Variants in NELL1 observed in about 807,000 individuals in gnomAD.
NELL1 encodes protein kinase C-binding protein NELL1.
NELL1 carries 76 observed loss-of-function variants against 107.4 expected under a neutral mutation model. The observed-to-expected ratio is 0.71, with a 90% confidence interval of 0.59 to 0.86. The LOEUF is 0.86. NELL1 is among the 40% of genes least tolerant of loss of function. The pLI, the probability that NELL1 is intolerant of heterozygous loss-of-function variation, is 0.00. For synonymous variants in NELL1, 353 were observed against 341.2 expected (o/e 1.03, Z -0.38); for missense variants, 1,024 against 1,005.5 (o/e 1.02, Z -0.25).
intron 12 of NELL1, among the ~76,000 whole-genome samples, chr11:21,015,361 C>A (rs559672952): frequency 1.3e-5 from 2 of 152,042 alleles, no homozygotes; most frequent in African/African-American, 4.8e-5. Context: ...TTACTTGATA[C>A]GTGGGCTCAT....
At chr11:20,968,612 G>A (rs961313750) in intron 12 of NELL1, among the ~76,000 whole-genome samples, 2 of 152,198 alleles carry the variant, frequency 1.3e-5, no homozygotes, top group African/African-American at 4.8e-5. Context: ...TGACAAGAGG[G>A]TAGCTGTCCC....
At chr11:21,029,096 T>C (rs1852890432) in intron 12 of NELL1, among the ~76,000 whole-genome samples, 2 of 152,126 alleles carry the variant, frequency 1.3e-5, no homozygotes, top group Admixed American at 6.6e-5. Context: ...ACACAGATTT[T>C]TGCTTCTTTG....
chr11:21,484,005 AT>A, intron 15 of NELL1, among the ~76,000 whole-genome samples: 1 of 51,796 alleles, frequency 1.9e-5, no homozygotes, highest in East Asian at 4.9e-4. Flanking sequence ...ATATATATAT[AT>A]ATATATATAT....
chr11:20,820,107 C>A (rs1468160801), intron 3 of NELL1, among the ~76,000 whole-genome samples: 1 of 152,190 alleles, frequency 6.6e-6, no homozygotes, highest in Non-Finnish European at 1.5e-5. Context: ...GAATGTTAAG[C>A]AGCATTTTTC....
At chr11:20,925,844 G>A (rs1215168261) in intron 7 of NELL1, among the ~76,000 whole-genome samples, 3 of 152,136 alleles carry the variant, frequency 2.0e-5, no homozygotes, top group Non-Finnish European at 4.4e-5. Context: ...CAAAAACAAA[G>A]GTTAGAATTA....
chr11:20,715,102 G>A (rs1175403382), intron 2 of NELL1, among the ~76,000 whole-genome samples: 1 of 152,016 alleles, frequency 6.6e-6, no homozygotes, highest in Non-Finnish European at 1.5e-5. Context: ...AAAATTAGCT[G>A]GGCGTGGTGG....
At chr11:21,249,023 G>C (rs1409256554) in intron 14 of NELL1, among the ~76,000 whole-genome samples, 1 of 152,092 alleles carries the variant, frequency 6.6e-6, no homozygotes, top group Non-Finnish European at 1.5e-5. Context: ...CTGTTGCTGG[G>C]GGGCCTCTAT....
intron 15 of NELL1, among the ~76,000 whole-genome samples, chr11:21,520,744 C>T (rs1855705069): frequency 6.6e-6 from 1 of 152,092 alleles, no homozygotes; most frequent in Non-Finnish European, 1.5e-5. Flanking sequence ...TGCTCAGCCC[C>T]GGCCCCTCCC....
chr11:20,804,355 C>T (rs1327312511), intron 3 of NELL1, among the ~76,000 whole-genome samples: 2 of 152,154 alleles, frequency 1.3e-5, no homozygotes, highest in African/African-American at 4.8e-5. Context: ...CCTGCCTTGG[C>T]CTCTCAAGTA....
Position 21,545,014 on chromosome 11 carries a change from T to C in NELL1, c.1786+10500T>C, listed in dbSNP as rs527946725. 3.3e-5 allele frequency among the ~76,000 whole-genome samples: 5 copies of C among 152,118 alleles called. No individual in the cohort carries two copies. In the South Asian group the frequency reaches 1.0e-3, roughly 32 times the overall value. On this transcript the variant is annotated intron_variant, in intron 16 of 19. Transcript: ENST00000357134. ...CAATATATGTCTATTTGTGTATTAC[T>C]TTTTTAAAATGTGGTCACTAAAAAT... is the stretch of plus-strand genomic sequence containing the variant.
chr11:21,488,538 GGACTA>G (rs1377565746), intron 15 of NELL1, among the ~76,000 whole-genome samples: 4 of 152,222 alleles, frequency 2.6e-5, no homozygotes, highest in Admixed American at 2.6e-4. Context: ...GTTTTGCTGA[GGACTA>G]GGATACCAGG....
rs1325891152 is a variant in NELL1 at position 21,490,872 on chromosome 11, T to A, written c.1646-43502T>A. 2.0e-5 allele frequency among the ~76,000 whole-genome samples: 3 copies of A among 151,790 alleles called. No homozygotes were observed. The East Asian group carries it at 5.8e-4, about 29-fold the overall frequency. On this transcript the variant is annotated intron_variant, in intron 15 of 19. Transcript: ENST00000357134. The stretch of plus-strand genomic sequence containing the variant: ...CTATAAAAAACATAAGGAAAACACA[T>A]CAAAATGTCAGTCTAAGAAAAGATT...
intron 12 of NELL1, among the ~76,000 whole-genome samples, chr11:21,040,340 A>G (rs1357765759): frequency 6.6e-6 from 1 of 152,104 alleles, no homozygotes; most frequent in Non-Finnish European, 1.5e-5. Context: ...TTTTCCTATT[A>G]TATGTATGAG....
rs1357540145 is a variant in NELL1, at chr11:21,572,221, A to C, written c.2158-964A>C. Among the ~76,000 whole-genome samples, 5 of 151,930 alleles carry C rather than the reference A, an allele frequency of 3.3e-5. No individual in the cohort carries two copies. The South Asian group carries it at 1.0e-3, about 31-fold the overall frequency. On this transcript the variant is annotated intron_variant, in intron 18 of 19. Coordinates refer to ENST00000357134, the MANE Select transcript of NELL1 (RefSeq NM_006157.5). ...AGAATTAGTATTAATTTGATGCATG[A>C]AATTTTCATAGATAGAATTTCAAAA...
At chr11:21,455,029 T>A (rs1405197101) in intron 15 of NELL1, among the ~76,000 whole-genome samples, 1 of 152,232 alleles carries the variant, frequency 6.6e-6, no homozygotes, top group Non-Finnish European at 1.5e-5. Context: ...TCCAAATTTA[T>A]TCTGTGTGAA....
rs376900528 is a variant in NELL1, at chr11:20,684,263, T to A, written c.184+6203T>A. Among the ~76,000 whole-genome samples the A allele has an allele frequency of 5.9e-5, 9 of 152,036 alleles. No individual in the cohort carries two copies. In the East Asian group the frequency reaches 7.7e-4, roughly 13 times the overall value. ...TCTCTACAAAAAATAAAACAAAAAT[T>A]ATTTTAAAAAGACTAAAAATTAAAT... On this transcript the variant is annotated intron_variant, in intron 2 of 19. Coordinates refer to ENST00000357134, the MANE Select transcript of NELL1 (RefSeq NM_006157.5).
At chr11:21,013,611 G>A (rs1055081800) in intron 12 of NELL1, among the ~76,000 whole-genome samples, 1 of 152,056 alleles carries the variant, frequency 6.6e-6, no homozygotes, top group African/African-American at 2.4e-5. Flanking sequence ...TCTTATTTTA[G>A]AACAGTTTCA....
rs1206792400 is a variant in NELL1 at position 20,692,306 on chromosome 11, T to G, written c.184+14246T>G. Among the ~76,000 whole-genome samples the G allele has an allele frequency of 3.9e-5, 6 of 151,914 alleles. No individual in the cohort carries two copies. In the East Asian group the frequency reaches 5.8e-4, roughly 15 times the overall value. On this transcript the variant is annotated intron_variant, in intron 2 of 19. Coordinates refer to ENST00000357134, the MANE Select transcript of NELL1 (RefSeq NM_006157.5). ...TTCCTTCAGTTCTGCTCTGATTTTA[T>G]TTATTTCTTGCCTTCTGCTAGCTTT...
At chr11:21,119,487 C>T (rs557716424) in intron 13 of NELL1, among the ~76,000 whole-genome samples, 13 of 151,744 alleles carry the variant, frequency 8.6e-5, no homozygotes, top group African/African-American at 2.9e-4. Context: ...GTAACTTAAT[C>T]TTTACCTCCC....
Sources: allele counts gnomAD v4.1 joint callset (sites outside exome capture counted in the v4.1 genomes callset), GRCh38; gene constraint gnomAD v4.1.1; transcripts MANE v1.5; gene names NCBI Gene and HGNC (gene_info 2026-07-23, HGNC 2026-07-21).